The following ETV6 variants were observed in gnomAD, a reference collection of about 807,000 sequenced individuals.
ETV6 encodes ETS variant transcription factor 6, also known as transcription factor ETV6.
A neutral mutation model predicts 51.1 loss-of-function variants in ETV6; 16 were observed. That is an observed-to-expected ratio of 0.31 (90% CI 0.21 to 0.48). The LOEUF (loss-of-function observed/expected upper bound fraction) is 0.48. Ranked by LOEUF, ETV6 falls within the 20% of genes least tolerant of loss-of-function variation. The pLI is 0.99. For missense variants in ETV6, 458 were observed against 594.8 expected (o/e 0.77, Z 2.39); for synonymous variants, 240 against 224.1 (o/e 1.07, Z -0.64).
intron 2 of ETV6, among the ~76,000 whole-genome samples, chr12:11,791,173 G>A (rs192363261): frequency 8.5e-5 from 13 of 152,132 alleles, no homozygotes; most frequent in Admixed American, 2.0e-4. Flanking sequence ...AATTACCACC[G>A]GTTCTTCTGC....
intron 4 of ETV6, among the ~76,000 whole-genome samples, chr12:11,867,926 G>C (rs970822159): frequency 6.6e-6 from 1 of 152,148 alleles, no homozygotes. Context: ...GGGACTTCTG[G>C]AGCCAGGTGT....
chr12:11,825,586 G>T (rs953403019), intron 2 of ETV6: 2 of 152,148 alleles, frequency 1.3e-5, no homozygotes, highest in Non-Finnish European at 2.9e-5. Flanking sequence ...ATAATCTTGA[G>T]ATCCTTAACT....
At chr12:11,866,856 G>A (rs1326938815) in intron 4 of ETV6, among the ~76,000 whole-genome samples, 3 of 152,228 alleles carry the variant, frequency 2.0e-5, no homozygotes, top group Admixed American at 6.5e-5. Context: ...GCTTTTACAT[G>A]CCAATTTAAT....
intron 2 of ETV6, among the ~76,000 whole-genome samples, chr12:11,835,444 A>C (rs538209633): frequency 6.6e-5 from 10 of 152,326 alleles, no homozygotes; most frequent in African/African-American, 2.2e-4. Context: ...GCCGTAAATA[A>C]AGCAAGTTAT....
intron 1 of ETV6, among the ~76,000 whole-genome samples, chr12:11,688,961 C>T (rs187053238): frequency 3.9e-5 from 6 of 152,256 alleles, no homozygotes; most frequent in Admixed American, 3.9e-4. Context: ...GCAAGCTTCA[C>T]ATTAAATGAC....
intron 5 of ETV6, among the ~76,000 whole-genome samples, chr12:11,882,357 A>G (rs980286599): frequency 1.3e-5 from 2 of 152,210 alleles, no homozygotes; most frequent in African/African-American, 4.8e-5. Context: ...ACACCCATTA[A>G]CGAGTTTCTC....
intron 1 of ETV6, among the ~76,000 whole-genome samples, chr12:11,696,621 A>G (rs1354767958): frequency 6.6e-6 from 1 of 152,252 alleles, no homozygotes; most frequent in East Asian, 1.9e-4. Context: ...GTTCGATACC[A>G]GCCTGGGCAA....
intron 1 of ETV6, among the ~76,000 whole-genome samples, chr12:11,745,753 G>C (rs1290873075): frequency 6.6e-6 from 1 of 152,154 alleles, no homozygotes; most frequent in Non-Finnish European, 1.5e-5. Context: ...TGCTGCTCTT[G>C]GGTAAGCAGA....
chr12:11,712,196 A>G (rs1229255285), intron 1 of ETV6, among the ~76,000 whole-genome samples: 1 of 152,216 alleles, frequency 6.6e-6, no homozygotes, highest in Non-Finnish European at 1.5e-5. Context: ...TCCAGTGTAG[A>G]CAAAGTGAAG....
chr12:11,730,787 T>C (rs150634517), intron 1 of ETV6, among the ~76,000 whole-genome samples: 1 of 152,220 alleles, frequency 6.6e-6, no homozygotes, highest in Non-Finnish European at 1.5e-5. Context: ...TGGAAGACTT[T>C]CCCATGGCCC....
chr12:11,738,702 C>G (rs1210710611), intron 1 of ETV6, among the ~76,000 whole-genome samples: 1 of 152,088 alleles, frequency 6.6e-6, no homozygotes, highest in Admixed American at 6.5e-5. Flanking sequence ...CTAGGAACTT[C>G]GAGTCAGGTA....
At chr12:11,742,420 T>A (rs1043179058) in intron 1 of ETV6, among the ~76,000 whole-genome samples, 2 of 152,224 alleles carry the variant, frequency 1.3e-5, no homozygotes, top group African/African-American at 4.8e-5. Context: ...TCTATGATAT[T>A]TGACAAGTAT....
rs1003687106 is a variant in ETV6 at position 11,859,124 on chromosome 12, T to C, written c.463+5563T>C. Among the ~76,000 whole-genome samples the C allele has an allele frequency of 2.5e-3, 25 of 10,134 alleles. 10 individuals are homozygous for C. Among genetic ancestry groups the C allele is most frequent in the South Asian group, 4.4e-3 (1 of 228 alleles). The allele number at this position is 10,134 out of a possible 152,430, so 6.6% of individuals were successfully genotyped here. On this transcript the variant is annotated intron_variant, in intron 4 of 7. Transcript: ENST00000396373. ...AGATGAGGTATATGAATCTGGTTTT[T>C]TTTTTTTTTTTTTTTTTTTTTTTTT...
intron 2 of ETV6, among the ~76,000 whole-genome samples, chr12:11,824,905 A>AG (rs1164797933): frequency 6.6e-6 from 1 of 152,216 alleles, no homozygotes; most frequent in African/African-American, 2.4e-5. Context: ...AATAGAAGAG[A>AG]GGGTTTGCTA....
chr12:11,777,593 C>T (rs1471602097), intron 2 of ETV6, among the ~76,000 whole-genome samples: 1 of 151,988 alleles, frequency 6.6e-6, no homozygotes, highest in Non-Finnish European at 1.5e-5. Context: ...TTGTCCCCTC[C>T]CCACCTGCGC....
chr12:11,651,628 C>T (rs569560989), intron 1 of ETV6, among the ~76,000 whole-genome samples: 1 of 152,302 alleles, frequency 6.6e-6, no homozygotes, highest in East Asian at 1.9e-4. Context: ...GATATTAATA[C>T]TTCAAAACCA....
At chr12:11,803,976 G>A (rs942884522) in intron 2 of ETV6, among the ~76,000 whole-genome samples, 1 of 152,080 alleles carries the variant, frequency 6.6e-6, no homozygotes, top group African/African-American at 2.4e-5. Context: ...AAATATTTTG[G>A]TATTCTAAAT....
At chr12:11,853,118 T>C (rs2723837) in intron 3 of ETV6, among the ~76,000 whole-genome samples, 1 of 151,934 alleles carries the variant, frequency 6.6e-6, no homozygotes, top group Non-Finnish European at 1.5e-5. Context: ...GCCTGGGAGG[T>C]GGAGGTTGTA....
intron 2 of ETV6, among the ~76,000 whole-genome samples, chr12:11,772,575 T>C (rs1945257585): frequency 6.6e-6 from 1 of 152,178 alleles, no homozygotes; most frequent in Non-Finnish European, 1.5e-5. Flanking sequence ...ATAGGGGAGT[T>C]AAACTACACT....
Sources: allele counts gnomAD v4.1 joint callset (sites outside exome capture counted in the v4.1 genomes callset), GRCh38; gene constraint gnomAD v4.1.1; transcripts MANE v1.5; gene names NCBI Gene and HGNC (gene_info 2026-07-23, HGNC 2026-07-21).